Variants in HSPA12A observed in about 807,000 individuals in gnomAD.
HSPA12A encodes the protein heat shock protein family A (Hsp70) member 12A, also known as heat shock 70 kDa protein 12A.
HSPA12A carries 28 observed loss-of-function variants against 69.2 expected under a neutral mutation model. The observed-to-expected ratio is 0.40, with a 90% CI of 0.30 to 0.55. The LOEUF (loss-of-function observed/expected upper bound fraction) is 0.55. Among genes scored for constraint, HSPA12A ranks in the 20% least tolerant of loss-of-function variants. The pLI is 0.38. For synonymous variants in HSPA12A, 345 were observed against 370.5 expected (o/e 0.93, Z 0.79); for missense variants, 686 against 900.7 (o/e 0.76, Z 3.05).
At chr10:116,703,657 T>A (rs1850145245) in intron 3 of HSPA12A, among the ~76,000 whole-genome samples, 1 of 152,234 alleles carries the variant, frequency 6.6e-6, no homozygotes, top group Non-Finnish European at 1.5e-5. Context: ...TTCAGAGTCA[T>A]CCCTTGGAAT....
intron 1 of HSPA12A, among the ~76,000 whole-genome samples, chr10:116,708,780 A>G (rs1554882772): frequency 6.6e-6 from 1 of 152,232 alleles, no homozygotes; most frequent in Non-Finnish European, 1.5e-5. Context: ...ATCAACAAGT[A>G]TATGAAAAGA....
chr10:116,832,159 G>A (rs1845628496), intron 2 of HSPA12A: 2 of 150,596 alleles, frequency 1.3e-5, no homozygotes, highest in Non-Finnish European at 2.9e-5. Flanking sequence ...ATGCAAAAGG[G>A]TTGATTTTGT....
intron 1 of HSPA12A, among the ~76,000 whole-genome samples, chr10:116,740,691 TGTGTGC>T (rs1458275522): frequency 7.6e-5 from 9 of 118,574 alleles, no homozygotes; most frequent in African/African-American, 2.9e-4. Context: ...TGTGTGTGTG[TGTGTGC>T]GTGTGTGTGT....
chr10:116,767,634 T>C (rs918359196), intron 2 of HSPA12A, among the ~76,000 whole-genome samples: 7 of 152,210 alleles, frequency 4.6e-5, no homozygotes. Context: ...GGGAGGTTGT[T>C]GGTTAACTCT....
chr10:116,823,682 A>T (rs779380549), intron 2 of HSPA12A, among the ~76,000 whole-genome samples: 3 of 152,216 alleles, frequency 2.0e-5, no homozygotes, highest in Non-Finnish European at 4.4e-5. Flanking sequence ...GTGCTGGGAC[A>T]ACTGGATATC....
At chr10:116,693,086 G>C (rs1849781173) in intron 5 of HSPA12A, among the ~76,000 whole-genome samples, 1 of 152,160 alleles carries the variant, frequency 6.6e-6, no homozygotes, top group Non-Finnish European at 1.5e-5. Context: ...GCAAAGGTCT[G>C]AGTTGTTACA....
rs567183031 is a variant in HSPA12A, at chr10:116,689,491, A to G, written c.663+2860T>C. Among the ~76,000 whole-genome samples the G allele has an allele frequency of 2.0e-5, 3 of 152,240 alleles. 1 individual carries two copies. The South Asian group carries it at 6.2e-4, about 32-fold the overall frequency. ...ATGACCACCTGATTTAATACCTTTCACATACATGGGTGCCTGGTGAGCACT... is the reference window on the plus strand; with the variant it reads ...ATGACCACCTGATTTAATACCTTTCGCATACATGGGTGCCTGGTGAGCACT... On this transcript the variant is annotated intron_variant, in intron 6 of 11. Coordinates refer to ENST00000369209, the MANE Select transcript of HSPA12A (RefSeq NM_025015.3).
chr10:116,678,579 A>G (rs1350158979), intron 10 of HSPA12A, among the ~76,000 whole-genome samples: 1 of 99,686 alleles, frequency 1.0e-5, no homozygotes, highest in Non-Finnish European at 2.0e-5. Context: ...GGATGTTGGT[A>G]CAAAGTGAAA....
intron 1 of HSPA12A, among the ~76,000 whole-genome samples, chr10:116,839,941 AAG>A (rs1845778992): frequency 6.6e-6 from 1 of 152,018 alleles, no homozygotes. Context: ...TGGGGCTTGA[AAG>A]AATGTGAAAG....
intron 2 of HSPA12A, among the ~76,000 whole-genome samples, chr10:116,773,043 C>T (rs73380890): frequency 0.011 from 1,730 of 152,280 alleles, 34 homozygotes; most frequent in African/African-American, 0.039. Context: ...CAGTCAGGAC[C>T]GGGGACCCTA....
intron 2 of HSPA12A, among the ~76,000 whole-genome samples, chr10:116,778,924 C>T (rs1318932008): frequency 1.3e-5 from 2 of 152,084 alleles, no homozygotes; most frequent in African/African-American, 2.4e-5. Flanking sequence ...GATGGAACGA[C>T]CCTGTCTCAA....
chr10:116,694,858 G>A (rs1849840595), intron 5 of HSPA12A, among the ~76,000 whole-genome samples: 1 of 152,072 alleles, frequency 6.6e-6, no homozygotes, highest in East Asian at 1.9e-4. Flanking sequence ...GGAACAAAGG[G>A]GCTGACCCCT....
chr10:116,831,612 G>A (rs1489909366), intron 2 of HSPA12A: 7 of 152,134 alleles, frequency 4.6e-5, no homozygotes, highest in African/African-American at 1.7e-4. Flanking sequence ...TCACCTTTCC[G>A]GGGTCCCCAT....
At position 116,674,692 on chromosome 10, in the gene HSPA12A, G is replaced by A; in HGVS notation, c.*89C>T. The A allele has an allele frequency of 7.6e-7, 1 of 1,322,352 alleles. No homozygotes were observed. The highest frequency in any genetic ancestry group is 1.3e-5 in the South Asian group (1 of 74,322). The allele number at this position is 1,322,352 out of a possible 1,614,324, so 81.9% of individuals were successfully genotyped here. ...CTGAAATTCACATGGGCAATGGTGAGGGTCAAGGTTAGGGAAAGAACAGTC... is the reference window on the plus strand; with the variant it reads ...CTGAAATTCACATGGGCAATGGTGAAGGTCAAGGTTAGGGAAAGAACAGTC... On this transcript the variant is annotated 3_prime_UTR_variant, in exon 12 of 12. Coordinates refer to ENST00000369209, the MANE Select transcript of HSPA12A (RefSeq NM_025015.3).
chr10:116,766,452 T>C (rs1844078739), intron 2 of HSPA12A, among the ~76,000 whole-genome samples: 1 of 152,150 alleles, frequency 6.6e-6, no homozygotes, highest in South Asian at 2.1e-4. Context: ...TGGATGCCCC[T>C]ACCCAGCTCC....
chr10:116,825,199 A>G (rs1233580763), intron 2 of HSPA12A, among the ~76,000 whole-genome samples: 1 of 150,956 alleles, frequency 6.6e-6, no homozygotes, highest in Non-Finnish European at 1.5e-5. Context: ...AAAAAAAAAA[A>G]ATAAGTAAAT....
intron 5 of HSPA12A, among the ~76,000 whole-genome samples, chr10:116,692,785 G>A (rs1327241908): frequency 7.9e-5 from 12 of 152,180 alleles, no homozygotes; most frequent in Non-Finnish European, 4.4e-5. Flanking sequence ...CCATATCTGT[G>A]CAGTGGGGAT....
intron 1 of HSPA12A, among the ~76,000 whole-genome samples, chr10:116,847,836 C>T (rs1845921255): frequency 6.6e-6 from 1 of 152,188 alleles, no homozygotes; most frequent in African/African-American, 2.4e-5. Flanking sequence ...GCCCAGGATA[C>T]TCGCAATCTT....
rs574082560 is a variant in HSPA12A at position 116,718,457 on chromosome 10, C to T, written c.41-11172G>A. Among the ~76,000 whole-genome samples the T allele has an allele frequency of 2.8e-4, 42 of 152,306 alleles. No individual in the cohort carries two copies. The South Asian group carries it at 7.7e-3, about 28-fold the overall frequency. ...CCATGCCCTCCAAACCTGGGTAACT[C>T]GGGCACAAACCTTCCACTCTCTGCC... On this transcript the variant is annotated intron_variant, in intron 1 of 11. Coordinates refer to ENST00000369209, the MANE Select transcript of HSPA12A (RefSeq NM_025015.3).
Sources: allele counts gnomAD v4.1 joint callset (sites outside exome capture counted in the v4.1 genomes callset), GRCh38; gene constraint gnomAD v4.1.1; transcripts MANE v1.5; gene names NCBI Gene and HGNC (gene_info 2026-07-23, HGNC 2026-07-21).